Variants in SLC1A7 observed in about 807,000 individuals in gnomAD.
SLC1A7 encodes excitatory amino acid transporter 5.
In SLC1A7, 40 loss-of-function variants were observed where a neutral mutation model predicts 47.7. The ratio of observed to expected loss-of-function variants is 0.84; its 90% CI spans 0.65 to 1.09. The LOEUF is 1.09. Ranked by LOEUF, SLC1A7 falls within the 50% of genes least tolerant of loss-of-function variation. The probability of loss-of-function intolerance (pLI) is 0.00; values close to 1 mark genes in which losing one functional copy is unlikely to be tolerated. For missense variants in SLC1A7, 746 were observed against 769.5 expected, an observed-to-expected ratio of 0.97 and a Z score of 0.36; for synonymous variants, 323 against 325.6, an observed-to-expected ratio of 0.99 and a Z score of 0.09.
chr1:53,123,651 G>T (rs1034118874), intron 2 of SLC1A7, among the ~76,000 whole-genome samples: 4 of 152,248 alleles, frequency 2.6e-5, no homozygotes, highest in African/African-American at 9.6e-5. Flanking sequence ...CCAGAGGAGG[G>T]CACAGCTGGA....
intron 1 of SLC1A7, among the ~76,000 whole-genome samples, chr1:53,135,174 ATCTC>A (rs1461707527): frequency 6.6e-6 from 1 of 152,100 alleles, no homozygotes; most frequent in Non-Finnish European, 1.5e-5. Flanking sequence ...ATGGAATAAA[ATCTC>A]TCTCGTGTAG....
intron 5 of SLC1A7, among the ~76,000 whole-genome samples, chr1:53,094,186 G>T (rs984036520): frequency 6.6e-6 from 1 of 152,220 alleles, no homozygotes; most frequent in Admixed American, 6.5e-5. Context: ...TTAGCTCAGC[G>T]AGAGCAAGAA....
At chr1:53,100,004 C>A (rs1166589341) in intron 5 of SLC1A7, among the ~76,000 whole-genome samples, 1 of 151,090 alleles carries the variant, frequency 6.6e-6, no homozygotes, top group African/African-American at 2.5e-5. Context: ...TCTGAGTACA[C>A]TCACACACCT....
At chr1:53,099,483 A>G (rs1240544315) in intron 5 of SLC1A7, among the ~76,000 whole-genome samples, 1 of 149,812 alleles carries the variant, frequency 6.7e-6, no homozygotes, top group Non-Finnish European at 1.5e-5. Context: ...TCGCCTCAGT[A>G]CACTCAACCG....
chr1:53,096,656 C>T, intron 5 of SLC1A7, among the ~76,000 whole-genome samples: 1 of 148,746 alleles, frequency 6.7e-6, no homozygotes, highest in East Asian at 2.0e-4. Context: ...ACTCACACAT[C>T]CACACACACT....
At chr1:53,131,253 C>T (rs1572347164) in intron 2 of SLC1A7, among the ~76,000 whole-genome samples, 1 of 152,204 alleles carries the variant, frequency 6.6e-6, no homozygotes, top group Non-Finnish European at 1.5e-5. Flanking sequence ...GGTTGGGGGC[C>T]TCACCTCAGA....
intron 5 of SLC1A7, among the ~76,000 whole-genome samples, chr1:53,099,360 G>A (rs912575275): frequency 1.5e-4 from 11 of 74,554 alleles, no homozygotes; most frequent in Non-Finnish European, 1.9e-4. Context: ...CTCACATACC[G>A]CCTCGGTACA....
At chr1:53,090,998 T>C (rs1426968200) in intron 7 of SLC1A7, 192 bp from the exon 8 acceptor site, 1 of 1,460,364 alleles carries the variant, frequency 6.8e-7, no homozygotes, top group Non-Finnish European at 9.1e-7. Flanking sequence ...GAGGGAGGTG[T>C]TTGGGTGCAT....
intron 1 of SLC1A7, among the ~76,000 whole-genome samples, chr1:53,136,917 T>C (rs1365636420): frequency 6.6e-6 from 1 of 151,980 alleles, no homozygotes; most frequent in East Asian, 1.9e-4. Flanking sequence ...TCCTCCCAGC[T>C]AGGCCTCCCA....
At chr1:53,124,149 A>G (rs1428581460) in intron 2 of SLC1A7, among the ~76,000 whole-genome samples, 1 of 152,234 alleles carries the variant, frequency 6.6e-6, no homozygotes, top group Non-Finnish European at 1.5e-5. Flanking sequence ...GAAGGGGAGA[A>G]GGGAGTGTTG....
Position 53,090,755 on chromosome 1 carries a change from G to A in SLC1A7, c.1083C>T (p.Ile361=), listed in dbSNP as rs761706271. 23 of 1,613,514 alleles carry A rather than the reference G, an allele frequency of 1.4e-5. No homozygotes were observed. Among genetic ancestry groups the A allele is most frequent in the Non-Finnish European group, 1.8e-5 (21 of 1,179,858 alleles). Residue 361 remains isoleucine (I), a synonymous_variant, in exon 8 of 11, where the codon ATC becomes ATT. Coordinates refer to ENST00000371494, the MANE Select transcript of SLC1A7 (RefSeq NM_006671.6). ...GCACGAAGCGAGCGATGCGCCGGTC[G>A]ATGTGGTTGTTCTCCAGCAGGCACT... The part of the protein sequence containing the change: ...TFKCLLENNH[I]DRRIARFVLP...
chr1:53,103,462 T>C lies in SLC1A7; in HGVS notation c.581A>G (p.His194Arg), dbSNP rs1051181954. ...IYGVQEENGS[H>R]VQNFALDLTP... is the part of the protein sequence containing the mutation. ...CAGGTCCAGGGCGAAGTTCTGCACA[T>C]GGGAGCCATTCTCCTCCTGGACCCC... The change falls in exon 5 of 11, where the codon CAT (histidine) becomes CGT (arginine). Residue 194 changes from histidine (H) to arginine (R), a missense_variant. Transcript: ENST00000371494. 1.2e-6 allele frequency: 2 copies of C among 1,613,134 alleles called. No homozygotes were observed. The highest frequency in any genetic ancestry group is 1.7e-6 in the Non-Finnish European group (2 of 1,179,758).
chr1:53,093,565 G>C lies in SLC1A7; in HGVS notation c.698-5C>G, dbSNP rs373920869. 3.3e-5 allele frequency: 53 copies of C among 1,593,702 alleles called. No homozygotes were observed. The highest frequency in any genetic ancestry group is 8.6e-5 in the Admixed American group (5 of 58,224). On this transcript the variant is annotated splice_polypyrimidine_tract_variant and splice_region_variant and intron_variant, in intron 5 of 10. Transcript: ENST00000371494. ...CCATGCGGCCCAGCATGATGCCTGC[G>C]GGTCAGGGACACAGTGCTGTGGTAA...
At position 53,103,492 on chromosome 1, in the gene SLC1A7, A is replaced by G. The variant is rs781754495; in HGVS notation, c.551T>C (p.Ile184Thr). 3 of 1,613,274 alleles carry G rather than the reference A, an allele frequency of 1.9e-6. No individual in the cohort carries two copies. The highest frequency in any genetic ancestry group is 4.5e-5 in the East Asian group (2 of 44,854). ...PEEAPPRRIL[I>T]YGVQEENGSH... Reference sequence around the variant, plus strand: ...GCCATTCTCCTCCTGGACCCCGTAGATGAGGATCCGCCGAGGAGGGGCCTC... The same window carrying G: ...GCCATTCTCCTCCTGGACCCCGTAGGTGAGGATCCGCCGAGGAGGGGCCTC... The change falls in exon 5 of 11, where the codon ATC (isoleucine) becomes ACC (threonine). Residue 184 changes from isoleucine to threonine, a missense_variant. Coordinates refer to ENST00000371494, the MANE Select transcript of SLC1A7 (RefSeq NM_006671.6).
chr1:53,136,728 A>T (rs1412812361), intron 1 of SLC1A7, among the ~76,000 whole-genome samples: 1 of 143,728 alleles, frequency 7.0e-6, no homozygotes, highest in Non-Finnish European at 1.5e-5. Flanking sequence ...GGGCAGTGGC[A>T]TGATTTCAGC....
In SLC1A7 at chr1:53,092,801, G is replaced by T; in HGVS notation, c.798-14C>A. On this transcript the variant is annotated splice_polypyrimidine_tract_variant and intron_variant, in intron 6 of 10. Coordinates refer to ENST00000371494, the MANE Select transcript of SLC1A7 (RefSeq NM_006671.6). ...AAGGGGAAATACCTGGGGGCGGCGG[G>T]GCAGCCAGGCTCAGGAACCAGGCAG... The T allele has an allele frequency of 2.6e-6, 4 of 1,559,930 alleles. No homozygotes were observed. The South Asian group carries it at 3.3e-5, about 13-fold the overall frequency.
At chr1:53,093,951 G>C (rs1180269970) in intron 5 of SLC1A7, among the ~76,000 whole-genome samples, 1 of 152,108 alleles carries the variant, frequency 6.6e-6, no homozygotes, top group African/African-American at 2.4e-5. Context: ...TGGCACCACT[G>C]GCCTTCTTTA....
chr1:53,132,228 T>C (rs1038438585), intron 2 of SLC1A7, among the ~76,000 whole-genome samples: 1 of 152,174 alleles, frequency 6.6e-6, no homozygotes, highest in Non-Finnish European at 1.5e-5. Context: ...GGGCCCAATC[T>C]GCTTTTCTCA....
intron 2 of SLC1A7, among the ~76,000 whole-genome samples, chr1:53,124,365 T>C (rs1769306): frequency 0.98 from 149,758 of 152,162 alleles, 73,735 homozygotes; most frequent in East Asian, 1. Context: ...GAACACTCTA[T>C]CATGCACAGC....
Sources: gnomAD v4.1 joint callset for allele counts (sites outside exome capture counted in the v4.1 genomes callset) on GRCh38, gnomAD v4.1.1 for gene constraint, MANE v1.5 for transcripts, NCBI Gene and HGNC (gene_info 2026-07-23, HGNC 2026-07-21) for gene names.